The following ME1 variants were observed in gnomAD, a reference collection of about 807,000 sequenced individuals.
ME1 encodes malic enzyme 1.
A neutral mutation model predicts 66.4 loss-of-function variants in ME1; 74 were observed. The ratio of observed to expected loss-of-function variants is 1.11; its 90% CI spans 0.92 to 1.35. The LOEUF is 1.35. Among genes scored for constraint, ME1 ranks in the 40% most tolerant of loss-of-function variants. The probability of loss-of-function intolerance (pLI) is 0.00; values close to 1 mark genes in which losing one functional copy is unlikely to be tolerated. For missense variants in ME1, 750 were observed against 694.1 expected, an observed-to-expected ratio of 1.08 and a Z score of -0.90; for synonymous variants, 251 against 235.6, an observed-to-expected ratio of 1.07 and a Z score of -0.60.
intron 3 of ME1, among the ~76,000 whole-genome samples, chr6:83,363,582 A>G (rs1221440767): frequency 6.6e-6 from 1 of 152,206 alleles, no homozygotes; most frequent in Non-Finnish European, 1.5e-5. Context: ...CAGGAAAAAA[A>G]CTACAACCTG....
At chr6:83,229,612 T>C (rs1790260337) in intron 9 of ME1, among the ~76,000 whole-genome samples, 1 of 152,180 alleles carries the variant, frequency 6.6e-6, no homozygotes, top group Admixed American at 6.5e-5. Context: ...AGGACAAGTA[T>C]AAGTATAGTC....
At chr6:83,240,807 A>G (rs1436814955) in intron 7 of ME1, among the ~76,000 whole-genome samples, 1 of 152,168 alleles carries the variant, frequency 6.6e-6, no homozygotes, top group Non-Finnish European at 1.5e-5. Context: ...AATTTGTTCT[A>G]TTCAATCTTT....
chr6:83,252,722 G>A (rs1324073969), intron 7 of ME1, among the ~76,000 whole-genome samples: 6 of 152,148 alleles, frequency 3.9e-5, no homozygotes, highest in Non-Finnish European at 8.8e-5. Context: ...AAAAGAAAAG[G>A]AGCTGGCACT....
chr6:83,414,617 A>T (rs940090987), intron 1 of ME1, among the ~76,000 whole-genome samples: 8 of 151,072 alleles, frequency 5.3e-5, no homozygotes, highest in Non-Finnish European at 8.8e-5. Context: ...ATTTTTTTTT[A>T]AAAAAAGAAA....
At position 83,419,471 on chromosome 6, in the gene ME1, C is replaced by T. The variant is rs1188087081; in HGVS notation, c.78+11406G>A. 2.0e-5 allele frequency among the ~76,000 whole-genome samples: 3 copies of T among 152,140 alleles called. No homozygotes were observed. The South Asian group carries it at 6.2e-4, about 32-fold the overall frequency. ...CACTAAGGGCATATCTGATTCATGT[C>T]CTGTATCAATAACATTTTAACTTAT... On this transcript the variant is annotated intron_variant, in intron 1 of 13. Transcript: ENST00000369705.
chr6:83,247,227 C>A (rs1790640686), intron 7 of ME1, among the ~76,000 whole-genome samples: 1 of 151,912 alleles, frequency 6.6e-6, no homozygotes, highest in African/African-American at 2.4e-5. Context: ...AGAAAAATTT[C>A]TTTTTGTAGC....
chr6:83,318,332 C>G (rs1423946947), intron 5 of ME1, among the ~76,000 whole-genome samples: 1 of 126,280 alleles, frequency 7.9e-6, no homozygotes, highest in East Asian at 2.2e-4. Context: ...AGCTTCTGCA[C>G]AGCAAAAGAA....
chr6:83,382,216 C>G (rs1769418432), intron 3 of ME1, among the ~76,000 whole-genome samples: 1 of 152,044 alleles, frequency 6.6e-6, no homozygotes, highest in South Asian at 2.1e-4. Context: ...TCTTTGTTCA[C>G]TTGAATATTA....
chr6:83,344,244 C>G (rs925707852), intron 5 of ME1, among the ~76,000 whole-genome samples: 1 of 150,608 alleles, frequency 6.6e-6, no homozygotes, highest in Admixed American at 6.6e-5. Context: ...TATGATAGTG[C>G]CACTGCACTA....
intron 6 of ME1, among the ~76,000 whole-genome samples, chr6:83,269,814 A>G (rs1031713259): frequency 1.3e-5 from 2 of 152,188 alleles, no homozygotes; most frequent in African/African-American, 4.8e-5. Context: ...TCTAGTGCCT[A>G]TCTTCAGTTT....
chr6:83,416,820 C>T (rs953342609), intron 1 of ME1, among the ~76,000 whole-genome samples: 5 of 150,828 alleles, frequency 3.3e-5, no homozygotes, highest in Admixed American at 1.3e-4. Flanking sequence ...GTCTTTGGCC[C>T]GGGAAGTCAA....
At chr6:83,403,020 A>G (rs558805895) in intron 2 of ME1, among the ~76,000 whole-genome samples, 1 of 152,344 alleles carries the variant, frequency 6.6e-6, no homozygotes, top group South Asian at 2.1e-4. Flanking sequence ...ACCTTATCTG[A>G]TAACATAAGA....
chr6:83,239,185 G>A (rs1176819989), intron 8 of ME1, among the ~76,000 whole-genome samples: 1 of 151,912 alleles, frequency 6.6e-6, no homozygotes, highest in African/African-American at 2.4e-5. Context: ...TAACACTGGA[G>A]TATACTAAAA....
intron 4 of ME1, 32 bp from the exon 5 acceptor site, chr6:83,346,366 A>G (rs1237060718): frequency 6.6e-7 from 1 of 1,519,632 alleles, no homozygotes; most frequent in South Asian, 1.3e-5. Context: ...CCTATTAACA[A>G]GTTTTCACAA....
chr6:83,373,381 A>G (rs1769229538), intron 3 of ME1, among the ~76,000 whole-genome samples: 1 of 152,034 alleles, frequency 6.6e-6, no homozygotes, highest in African/African-American at 2.4e-5. Flanking sequence ...GACTACAGGT[A>G]GGTGCCAACA....
At chr6:83,379,176 G>A (rs962304855) in intron 3 of ME1, among the ~76,000 whole-genome samples, 1 of 152,072 alleles carries the variant, frequency 6.6e-6, no homozygotes, top group African/African-American at 2.4e-5. Flanking sequence ...ACAGTCACAT[G>A]TTAGGAATGT....
At chr6:83,388,052 C>A (rs1479052048) in intron 3 of ME1, among the ~76,000 whole-genome samples, 1 of 150,380 alleles carries the variant, frequency 6.6e-6, no homozygotes, top group Non-Finnish European at 1.5e-5. Flanking sequence ...ACTTTCTTTT[C>A]TTTTTCTTTC....
At chr6:83,361,571 T>A (rs1005315861) in intron 3 of ME1, among the ~76,000 whole-genome samples, 5 of 152,238 alleles carry the variant, frequency 3.3e-5, no homozygotes, top group Non-Finnish European at 7.3e-5. Flanking sequence ...GGGATGCTGT[T>A]TGGAGCCTTT....
intron 5 of ME1, among the ~76,000 whole-genome samples, chr6:83,316,532 T>G (rs1768033100): frequency 6.6e-6 from 1 of 151,988 alleles, no homozygotes; most frequent in African/African-American, 2.4e-5. Context: ...AATACTTACC[T>G]TCATCACTTC....
Sources: allele counts gnomAD v4.1 joint callset (sites outside exome capture counted in the v4.1 genomes callset), GRCh38; gene constraint gnomAD v4.1.1; transcripts MANE v1.5; gene names NCBI Gene and HGNC (gene_info 2026-07-23, HGNC 2026-07-21).